YWHAB: variants seen among roughly 807,000 people sequenced by gnomAD.
YWHAB encodes the protein 14-3-3 protein beta/alpha.
In YWHAB, 2 loss-of-function variants were observed where a neutral mutation model predicts 28.5. The ratio of observed to expected loss-of-function variants is 0.07; its 90% CI spans 0.03 to 0.22. YWHAB has a LOEUF of 0.22. Ranked by LOEUF, YWHAB falls within the 10% of genes least tolerant of loss-of-function variation. YWHAB has a pLI of 1.00. For missense variants in YWHAB, 148 were observed against 297.1 expected, an observed-to-expected ratio of 0.50 and a Z score of 3.69; for synonymous variants, 103 against 104.7, an observed-to-expected ratio of 0.98 and a Z score of 0.10.
intron 1 of YWHAB, chr20:44,887,563 C>T (rs536609539): frequency 4.6e-5 from 7 of 152,260 alleles, no homozygotes; most frequent in African/African-American, 1.7e-4. Context: ...ATATTGAAGC[C>T]ATTTTAGAAT....
intron 1 of YWHAB, chr20:44,886,284 T>G (rs1374148745): frequency 6.6e-6 from 1 of 152,286 alleles, no homozygotes; most frequent in Non-Finnish European, 1.5e-5. Context: ...TGCTTTCTGG[T>G]TTCCAGAAAT....
chr20:44,897,093 G>C (rs1325857422), intron 1 of YWHAB, among the ~76,000 whole-genome samples: 6 of 152,154 alleles, frequency 3.9e-5, no homozygotes, highest in Admixed American at 3.9e-4. Flanking sequence ...TTTATTTTGG[G>C]AAATAGGGAA....
At chr20:44,905,221 G>T in intron 4 of YWHAB, 90 bp downstream of exon 4, 3 of 1,394,332 alleles carry the variant, frequency 2.2e-6, no homozygotes, top group Non-Finnish European at 1.9e-6. Context: ...TCATTGTCTT[G>T]GACTTTTTTT....
intron 1 of YWHAB, among the ~76,000 whole-genome samples, chr20:44,890,321 C>CT (rs2066552921): frequency 6.6e-6 from 1 of 152,030 alleles, no homozygotes; most frequent in South Asian, 2.1e-4. Context: ...AAAAAGTAGT[C>CT]TAAGACAATA....
intron 1 of YWHAB, among the ~76,000 whole-genome samples, chr20:44,897,528 A>G (rs1047332997): frequency 6.6e-6 from 1 of 152,212 alleles, no homozygotes; most frequent in Non-Finnish European, 1.5e-5. Context: ...AATGATGAAG[A>G]TATTTATTGT....
chr20:44,892,821 A>G (rs1301483512), intron 1 of YWHAB, among the ~76,000 whole-genome samples: 2 of 152,218 alleles, frequency 1.3e-5, no homozygotes, highest in Non-Finnish European at 2.9e-5. Context: ...AGAAGCTCAG[A>G]TGTGTATGTA....
intron 5 of YWHAB, 124 bp from the exon 6 acceptor site, chr20:44,906,258 C>T: frequency 8.5e-7 from 1 of 1,178,318 alleles, no homozygotes; most frequent in Non-Finnish European, 1.2e-6. Flanking sequence ...TTGCAATCAT[C>T]CCTGTCTGCA....
rs947298278 is a variant in YWHAB, at chr20:44,908,041, C to G, written c.*1603C>G. 4.6e-5 allele frequency: 7 copies of G among 152,484 alleles called. No individual in the cohort carries two copies. Among genetic ancestry groups the G allele is most frequent in the Non-Finnish European group, 1.0e-4 (7 of 68,030 alleles). 9.4% of individuals were successfully genotyped at this position (152,484 alleles called of 1,614,324 possible). On this transcript the variant is annotated 3_prime_UTR_variant, in exon 6 of 6. Coordinates refer to ENST00000353703, the MANE Select transcript of YWHAB (RefSeq NM_139323.4). ...GAGAATTGAGAATAGTCAGGCCTAT[C>G]AGTCTCACAGAATCACCCCTCTACC...
chr20:44,892,869 T>G (rs1033139957), intron 1 of YWHAB, among the ~76,000 whole-genome samples: 1 of 152,250 alleles, frequency 6.6e-6, no homozygotes, highest in Non-Finnish European at 1.5e-5. Context: ...ATATTTTATA[T>G]GTATAGAGCT....
At chr20:44,898,436 T>G (rs757672794) in intron 1 of YWHAB, among the ~76,000 whole-genome samples, 9 of 152,172 alleles carry the variant, frequency 5.9e-5, no homozygotes, top group Non-Finnish European at 1.3e-4. Context: ...GTGTAGAATT[T>G]CTCTCTTGAA....
chr20:44,899,350 C>T (rs1224003621), intron 1 of YWHAB, among the ~76,000 whole-genome samples: 5 of 152,006 alleles, frequency 3.3e-5, no homozygotes, highest in African/African-American at 1.2e-4. Context: ...CATGGTGGCA[C>T]GTGCCTGTAA....
chr20:44,905,321 CTTTG>C (rs1281437640), intron 4 of YWHAB, 190 bp downstream of exon 4: 3 of 498,466 alleles, frequency 6.0e-6, no homozygotes, highest in Admixed American at 4.1e-5. Flanking sequence ...CTTCTGCTGA[CTTTG>C]TTTGATTACT....
intron 1 of YWHAB, among the ~76,000 whole-genome samples, chr20:44,892,200 C>G (rs548546473): frequency 3.7e-4 from 57 of 152,278 alleles, no homozygotes; most frequent in South Asian, 2.5e-3. Flanking sequence ...TTGAAACATT[C>G]GAGCCTAGAT....
chr20:44,904,635 GA>G (rs2066646194), intron 3 of YWHAB, among the ~76,000 whole-genome samples: 1 of 152,078 alleles, frequency 6.6e-6, no homozygotes, highest in Non-Finnish European at 1.5e-5. Flanking sequence ...TAAGAGTTGG[GA>G]ATTAAAGTTT....
At chr20:44,895,522 G>T (rs1350905644) in intron 1 of YWHAB, among the ~76,000 whole-genome samples, 1 of 152,164 alleles carries the variant, frequency 6.6e-6, no homozygotes, top group African/African-American at 2.4e-5. Flanking sequence ...AGGCTGGAGT[G>T]CAGTGATGCA....
chr20:44,893,321 T>A (rs2066574625), intron 1 of YWHAB, among the ~76,000 whole-genome samples: 1 of 152,198 alleles, frequency 6.6e-6, no homozygotes, highest in South Asian at 2.1e-4. Flanking sequence ...TGTGAGTACC[T>A]TTAGAATTAT....
intron 1 of YWHAB, among the ~76,000 whole-genome samples, chr20:44,889,591 A>G (rs1340985634): frequency 6.6e-6 from 1 of 152,150 alleles, no homozygotes; most frequent in African/African-American, 2.4e-5. Flanking sequence ...TGACCAGGAC[A>G]AGAAGATTGA....
chr20:44,897,680 T>C (rs541832482), intron 1 of YWHAB, among the ~76,000 whole-genome samples: 1 of 152,290 alleles, frequency 6.6e-6, no homozygotes, highest in East Asian at 1.9e-4. Flanking sequence ...TTTTTTTCCT[T>C]CTTTATTTTC....
intron 5 of YWHAB, 78 bp downstream of exon 5, chr20:44,906,174 G>C: frequency 7.8e-7 from 1 of 1,283,120 alleles, no homozygotes; most frequent in South Asian, 1.3e-5. Flanking sequence ...TTCAAGAGGG[G>C]ATTTGTACCA....
Sources: gnomAD v4.1 joint callset for allele counts (sites outside exome capture counted in the v4.1 genomes callset) on GRCh38, gnomAD v4.1.1 for gene constraint, MANE v1.5 for transcripts, NCBI Gene and HGNC (gene_info 2026-07-23, HGNC 2026-07-21) for gene names.